The following BNC2 variants were observed in gnomAD, a reference collection of about 807,000 sequenced individuals.
BNC2 encodes zinc finger protein basonuclin-2.
BNC2 carries 20 observed loss-of-function variants against 76.3 expected under a neutral mutation model. The ratio of observed to expected loss-of-function variants is 0.26; its 90% CI spans 0.18 to 0.38. BNC2 has a LOEUF of 0.38. Ranked by LOEUF, BNC2 falls within the 10% of genes least tolerant of loss-of-function variation. The pLI, the probability that BNC2 is intolerant of heterozygous loss-of-function variation, is 1.00. For missense variants in BNC2, 1,382 were observed against 1,399.8 expected (o/e 0.99, Z 0.20); for synonymous variants, 582 against 514.8 (o/e 1.13, Z -1.77).
intron 3 of BNC2, among the ~76,000 whole-genome samples, chr9:16,584,251 C>T (rs1406456773): frequency 6.6e-6 from 1 of 152,144 alleles, no homozygotes; most frequent in African/African-American, 2.4e-5. Context: ...AAGCCATGCT[C>T]ACTCACACAG....
rs576420748 is a variant in BNC2, at chr9:16,784,520, C to A, written c.4-46035G>T. Among the ~76,000 whole-genome samples the A allele has an allele frequency of 2.0e-5, 3 of 152,086 alleles. No individual in the cohort carries two copies. The East Asian group carries it at 5.8e-4, about 29-fold the overall frequency. On this transcript the variant is annotated intron_variant, in intron 1 of 6. Coordinates refer to ENST00000380672, the MANE Select transcript of BNC2 (RefSeq NM_017637.6). ...ATAGGACACAATATCAAAAGAGTGT[C>A]AGAAAGAGATGGAGGTAGAAAGGTA...
chr9:16,549,728 G>C (rs752251544), intron 5 of BNC2, among the ~76,000 whole-genome samples: 2 of 151,992 alleles, frequency 1.3e-5, no homozygotes, highest in Non-Finnish European at 2.9e-5. Flanking sequence ...TACAAAAGTG[G>C]TAACAGTTTT....
chr9:16,796,587 A>G (rs1243023166), intron 1 of BNC2, among the ~76,000 whole-genome samples: 2 of 150,684 alleles, frequency 1.3e-5, no homozygotes, highest in Admixed American at 1.3e-4. Flanking sequence ...AAAAAGAAAG[A>G]AAAGGAAAGG....
At chr9:16,788,538 G>A (rs1370817519) in intron 1 of BNC2, among the ~76,000 whole-genome samples, 1 of 137,086 alleles carries the variant, frequency 7.3e-6, no homozygotes, top group Non-Finnish European at 1.5e-5. Context: ...GGGCGACAGA[G>A]CAACACTCCT....
At chr9:16,548,163 C>T (rs1438913860) in intron 5 of BNC2, among the ~76,000 whole-genome samples, 3 of 152,184 alleles carry the variant, frequency 2.0e-5, no homozygotes, top group Admixed American at 6.5e-5. Flanking sequence ...TTTCCACAGA[C>T]AGGCTGGTGG....
intron 3 of BNC2, among the ~76,000 whole-genome samples, chr9:16,715,895 A>G (rs1025617744): frequency 7.9e-5 from 12 of 152,242 alleles, no homozygotes; most frequent in African/African-American, 2.4e-4. Flanking sequence ...TTAAAAATAC[A>G]TATTTCACAA....
intron 5 of BNC2, among the ~76,000 whole-genome samples, chr9:16,535,935 A>G (rs957279321): frequency 6.6e-6 from 1 of 152,116 alleles, no homozygotes; most frequent in Non-Finnish European, 1.5e-5. Context: ...TGAAGGACGC[A>G]TGATAAATTG....
intron 1 of BNC2, among the ~76,000 whole-genome samples, chr9:16,791,938 A>G (rs1817522542): frequency 1.3e-5 from 2 of 152,010 alleles, no homozygotes; most frequent in Admixed American, 1.3e-4. Flanking sequence ...CTCCATCTCT[A>G]TCAAAATACA....
At chr9:16,681,373 G>C (rs1164861534) in intron 3 of BNC2, among the ~76,000 whole-genome samples, 1 of 152,136 alleles carries the variant, frequency 6.6e-6, no homozygotes. Context: ...CTCATGTAGG[G>C]ATGTATTGCT....
intron 1 of BNC2, among the ~76,000 whole-genome samples, chr9:16,844,655 C>T (rs62541876): frequency 0.081 from 12,250 of 151,946 alleles, 665 homozygotes; most frequent in Middle Eastern, 0.14. Flanking sequence ...CCCGCCACCA[C>T]GCCCGGCTAA....
intron 1 of BNC2, among the ~76,000 whole-genome samples, chr9:16,829,104 G>A (rs547844063): frequency 6.6e-6 from 1 of 152,268 alleles, no homozygotes; most frequent in East Asian, 1.9e-4. Flanking sequence ...CGACTGTTCC[G>A]CCCGCGTCCC....
chr9:16,445,269 C>T (rs1821208399), intron 5 of BNC2, among the ~76,000 whole-genome samples: 1 of 152,172 alleles, frequency 6.6e-6, no homozygotes. Flanking sequence ...GAGGAAGATG[C>T]ACCGCTAGCA....
At chr9:16,724,463 T>C (rs548603295) in intron 3 of BNC2, among the ~76,000 whole-genome samples, 2 of 152,178 alleles carry the variant, frequency 1.3e-5, no homozygotes, top group African/African-American at 4.8e-5. Flanking sequence ...AGAACTCCCT[T>C]TACACAAGTG....
chr9:16,494,367 G>A (rs1329099337), intron 5 of BNC2, among the ~76,000 whole-genome samples: 1 of 151,990 alleles, frequency 6.6e-6, no homozygotes, highest in Non-Finnish European at 1.5e-5. Context: ...TGGCCGGGGT[G>A]GTCTCGATCT....
chr9:16,757,749 G>A (rs185520264), intron 1 of BNC2, among the ~76,000 whole-genome samples: 4 of 149,742 alleles, frequency 2.7e-5, no homozygotes, highest in Non-Finnish European at 4.4e-5. Context: ...TACTTGCAAG[G>A]TCGCATCAAG....
chr9:16,611,334 A>C (rs1820539712), intron 3 of BNC2, among the ~76,000 whole-genome samples: 1 of 152,178 alleles, frequency 6.6e-6, no homozygotes, highest in Non-Finnish European at 1.5e-5. Context: ...AGTTTTCTAA[A>C]GGACCAGATG....
At chr9:16,576,926 C>T (rs1386865009) in intron 4 of BNC2, among the ~76,000 whole-genome samples, 10 of 152,020 alleles carry the variant, frequency 6.6e-5, no homozygotes, top group East Asian at 1.9e-4. Flanking sequence ...TTAGTAGAGA[C>T]GGGGTTTCAC....
chr9:16,664,406 C>A (rs558735103), intron 3 of BNC2, among the ~76,000 whole-genome samples: 25 of 152,282 alleles, frequency 1.6e-4, no homozygotes, highest in African/African-American at 6.0e-4. Flanking sequence ...ACTTTCCTAT[C>A]CAGAGAAATT....
chr9:16,648,905 T>A (rs1821714652), intron 3 of BNC2, among the ~76,000 whole-genome samples: 1 of 152,186 alleles, frequency 6.6e-6, no homozygotes, highest in African/African-American at 2.4e-5. Flanking sequence ...TATGAGGTAC[T>A]CAAACTATGA....
Sources: gnomAD v4.1 joint callset for allele counts (sites outside exome capture counted in the v4.1 genomes callset) on GRCh38, gnomAD v4.1.1 for gene constraint, MANE v1.5 for transcripts, NCBI Gene and HGNC (gene_info 2026-07-23, HGNC 2026-07-21) for gene names.